The following TUBA8 variants were observed in gnomAD, a reference collection of about 807,000 sequenced individuals.
The protein encoded by TUBA8 is tubulin alpha 8.
TUBA8 carries 29 observed loss-of-function variants against 34.7 expected under a neutral mutation model. The ratio of observed to expected loss-of-function variants is 0.84; its 90% confidence interval spans 0.62 to 1.14. The LOEUF (loss-of-function observed/expected upper bound fraction) is 1.14. Among genes scored for constraint, TUBA8 ranks in the 50% most tolerant of loss-of-function variants. The probability of loss-of-function intolerance (pLI) is 0.00; values close to 1 mark genes in which losing one functional copy is unlikely to be tolerated. For synonymous variants in TUBA8, 226 were observed against 231.2 expected (o/e 0.98, Z 0.21); for missense variants, 541 against 599.2 (o/e 0.90, Z 1.01).
Position 18,116,852 on chromosome 22 carries a change from T to C in TUBA8, c.4-4627T>C, listed in dbSNP as rs1927991968. ...GCTGTGGGCTGCTCCTCCTCCCTGCTAGGAGCAGGTGCAAGAGGCCTGCAG... is the reference window on the plus strand; with the variant it reads ...GCTGTGGGCTGCTCCTCCTCCCTGCCAGGAGCAGGTGCAAGAGGCCTGCAG... On this transcript the variant is annotated intron_variant, in intron 1 of 4. Coordinates refer to ENST00000330423, the MANE Select transcript of TUBA8 (RefSeq NM_018943.3). 2.0e-5 allele frequency: 3 copies of C among 152,230 alleles called. No individual in the cohort carries two copies. The South Asian group carries it at 6.2e-4, about 32-fold the overall frequency. The allele number at this position is 152,230 out of a possible 1,614,324, so 9.4% of individuals were successfully genotyped here.
chr22:18,123,457 A>C, intron 2 of TUBA8: 1 of 152,788 alleles, frequency 6.5e-6, no homozygotes, highest in Middle Eastern at 3.2e-3. Flanking sequence ...TGGTTTCACC[A>C]TGTTAGCCAA....
Position 18,119,176 on chromosome 22 carries a change from G to A in TUBA8, c.4-2303G>A, listed in dbSNP as rs911316430. 6.6e-6 allele frequency: 1 copy of A among 152,262 alleles called. No individual in the cohort carries two copies. Among genetic ancestry groups the A allele is most frequent in the Non-Finnish European group, 1.5e-5 (1 of 68,124 alleles). 9.4% of individuals were successfully genotyped at this position (152,262 alleles called of 1,614,324 possible). A position where few individuals can be genotyped will look rare whatever the true frequency, so the allele number is the denominator to read the frequency against. The stretch of plus-strand genomic sequence containing the variant: ...CCCCTCAGCTTCCACACCTCCCTGG[G>A]AAGTCACAGCCACATGCTGAATGTG... On this transcript the variant is annotated intron_variant, in intron 1 of 4. Coordinates refer to ENST00000330423, the MANE Select transcript of TUBA8 (RefSeq NM_018943.3). This position sits in a 1 kb window ranked among gnomAD's most constrained non-coding sequence, Gnocchi z 5.9.
Position 18,121,638 on chromosome 22 carries a change from G to T in TUBA8, c.163G>T (p.Glu55Ter), listed in dbSNP as rs1569199279. 1 of 1,614,164 alleles carries T rather than the reference G, an allele frequency of 6.2e-7. No homozygotes were observed. The highest frequency in any genetic ancestry group is 2.2e-5 in the East Asian group (1 of 44,888). ...TGACTCCTTCACCACCTTTTTCAGC[G>T]AGACTGGCAATGGGAAGCATGTGCC... ...DDDSFTTFFSETGNGKHVPRA... is the reference protein window; with the variant it reads ...DDDSFTTFFS Residue 55 changes from glutamate to a stop codon, truncating the protein, a stop_gained, in exon 2 of 5, where the codon GAG becomes TAG. Transcript: ENST00000330423. LOFTEE classifies it high-confidence loss of function. This position sits in a 1 kb window ranked among gnomAD's most constrained non-coding sequence, Gnocchi z 4.8.
At chr22:18,125,372 G>A (rs1928280003) in intron 3 of TUBA8, 1 of 151,958 alleles carries the variant, frequency 6.6e-6, no homozygotes, top group African/African-American at 2.4e-5. Context: ...AAAATTAGCT[G>A]GGCATGGTAG....
At position 18,111,004 on chromosome 22, in the gene TUBA8, G is replaced by GCCAGTTGGATACAACT; in HGVS notation, c.3+136_3+137insCCAGTTGGATACAACT. The GCCAGTTGGATACAACT allele has an allele frequency of 7.4e-7, 1 of 1,356,346 alleles. No homozygotes were observed. The highest frequency in any genetic ancestry group is 1.0e-6 in the Non-Finnish European group (1 of 988,590). 84.0% of individuals were successfully genotyped at this position (1,356,346 alleles called of 1,614,324 possible). A position where few individuals can be genotyped will look rare whatever the true frequency, so the allele number is the denominator to read the frequency against. ...GGCCTTCTGGGGGTGGCAGTTCAGG[G>GCCAGTTGGATACAACT]TCGAGGAGTCCGCACCCTCGGGCGG... On this transcript the variant is annotated intron_variant, in intron 1 of 4. Transcript: ENST00000330423. This position sits in a 1 kb window ranked among gnomAD's most constrained non-coding sequence, Gnocchi z 5.1.
intron 1 of TUBA8, chr22:18,114,096 C>T (rs139335973): frequency 2.0e-5 from 3 of 152,392 alleles, no homozygotes; most frequent in African/African-American, 7.2e-5. Flanking sequence ...TCCCTCAAGC[C>T]GCAAGGGACG....
At position 18,124,254 on chromosome 22, in the gene TUBA8, A is replaced by T; in HGVS notation, c.325A>T (p.Thr109Ser). 1 of 1,614,146 alleles carries T rather than the reference A, an allele frequency of 6.2e-7. No homozygotes were observed. The highest frequency in any genetic ancestry group is 1.1e-5 in the South Asian group (1 of 91,074). ...AANNYARGHY[T>S]VGKESIDLVL... ...CAACAACTATGCCCGGGGCCACTACACGGTGGGCAAGGAGAGCATTGACCT... is the reference window on the plus strand; with the variant it reads ...CAACAACTATGCCCGGGGCCACTACTCGGTGGGCAAGGAGAGCATTGACCT... Residue 109 changes from threonine (T) to serine (S), a missense_variant, in exon 3 of 5, where the codon ACG (threonine) becomes TCG (serine). Coordinates refer to ENST00000330423, the MANE Select transcript of TUBA8 (RefSeq NM_018943.3). This position sits in a 1 kb window ranked among gnomAD's most constrained non-coding sequence, Gnocchi z 4.3.
chr22:18,124,255 C>A lies in TUBA8; in HGVS notation c.326C>A (p.Thr109Lys). 1 of 1,614,098 alleles carries A rather than the reference C, an allele frequency of 6.2e-7. No homozygotes were observed. Among genetic ancestry groups the A allele is most frequent in the Non-Finnish European group, 8.5e-7 (1 of 1,180,004 alleles). ...AACAACTATGCCCGGGGCCACTACA[C>A]GGTGGGCAAGGAGAGCATTGACCTG... ...AANNYARGHY[T>K]VGKESIDLVL... The change falls in exon 3 of 5, where the codon ACG (threonine) becomes AAG (lysine). Residue 109 changes from threonine to lysine, a missense_variant. By Grantham distance (78) the Thr-to-Lys change is moderately conservative. Transcript: ENST00000330423. This position sits in a 1 kb window ranked among gnomAD's most constrained non-coding sequence, Gnocchi z 4.3.
rs1015409445 is a variant in TUBA8, at chr22:18,121,327, G to A, written c.4-152G>A. On this transcript the variant is annotated intron_variant, in intron 1 of 4. Transcript: ENST00000330423. The surrounding 1 kb of genome is among the most constrained non-coding windows in gnomAD (Gnocchi z 4.8). ...TTTGGATCTAAGTCCTGGTCCAGCT[G>A]CTATAGAGCTGGGGCACCTGCAGCC... The A allele has an allele frequency of 1.0e-5, 7 of 679,206 alleles. No homozygotes were observed. The African/African-American group carries it at 1.1e-4, about 10-fold the overall frequency. 42.1% of individuals were successfully genotyped at this position (679,206 alleles called of 1,614,324 possible).
Position 18,126,228 on chromosome 22 carries a change from A to C in TUBA8, c.376-126A>C. 1.1e-6 allele frequency: 1 copy of C among 914,744 alleles called. No homozygotes were observed. Among genetic ancestry groups the C allele is most frequent in the Non-Finnish European group, 1.8e-6 (1 of 569,096 alleles). 56.7% of individuals were successfully genotyped at this position (914,744 alleles called of 1,614,324 possible). A position where few individuals can be genotyped will look rare whatever the true frequency, so the allele number is the denominator to read the frequency against. Reference sequence around the variant, plus strand: ...ACTCCTTTTGTTTCCTTACTTCTTCAAAGCTGTTTTGATTTCATCCACAAA... The same window carrying C: ...ACTCCTTTTGTTTCCTTACTTCTTCCAAGCTGTTTTGATTTCATCCACAAA... On this transcript the variant is annotated intron_variant, in intron 3 of 4. Coordinates refer to ENST00000330423, the MANE Select transcript of TUBA8 (RefSeq NM_018943.3). The surrounding 1 kb of genome is among the most constrained non-coding windows in gnomAD (Gnocchi z 4.0).
Position 18,118,869 on chromosome 22 carries a change from A to G in TUBA8, c.4-2610A>G, listed in dbSNP as rs1928056333. 1 of 152,180 alleles carries G rather than the reference A, an allele frequency of 6.6e-6. No individual in the cohort carries two copies. Among genetic ancestry groups the G allele is most frequent in the African/African-American group, 2.4e-5 (1 of 41,434 alleles). 9.4% of individuals were successfully genotyped at this position (152,180 alleles called of 1,614,324 possible). A position where few individuals can be genotyped will look rare whatever the true frequency, so the allele number is the denominator to read the frequency against. On this transcript the variant is annotated intron_variant, in intron 1 of 4. Coordinates refer to ENST00000330423, the MANE Select transcript of TUBA8 (RefSeq NM_018943.3). This position sits in a 1 kb window ranked among gnomAD's most constrained non-coding sequence, Gnocchi z 4.0. ...AAAAGAGGCTAAAGACGTTGTCACCATGCTAGTGGTTTTCAGGTCCCCCAA... is the reference window on the plus strand; with the variant it reads ...AAAAGAGGCTAAAGACGTTGTCACCGTGCTAGTGGTTTTCAGGTCCCCCAA...
At chr22:18,120,102 GTCTC>G (rs1928103817) in intron 1 of TUBA8, 5 of 151,934 alleles carry the variant, frequency 3.3e-5, no homozygotes, top group Admixed American at 3.3e-4. Flanking sequence ...CACACACACT[GTCTC>G]TCTCCCCACC....
rs1192128355 is a variant in TUBA8 at position 18,126,382 on chromosome 22, T to G, written c.404T>G (p.Phe135Cys). ...LTDACSGLQG[F>C]LIFHSFGGGT... ...GATGCTTGCTCTGGCCTGCAGGGCT[T>G]CCTGATTTTCCACAGTTTTGGTGGG... is the stretch of plus-strand genomic sequence containing the variant. The change falls in exon 4 of 5, where the codon TTC (phenylalanine) becomes TGC (cysteine). Residue 135 changes from phenylalanine to cysteine, a missense_variant. Physicochemically the swap from Phe to Cys is radical, Grantham distance 205. Transcript: ENST00000330423. This position sits in a 1 kb window ranked among gnomAD's most constrained non-coding sequence, Gnocchi z 4.0. 1 of 1,614,064 alleles carries G rather than the reference T, an allele frequency of 6.2e-7. No individual in the cohort carries two copies. Among genetic ancestry groups the G allele is most frequent in the Non-Finnish European group, 8.5e-7 (1 of 1,180,038 alleles).
In TUBA8 at chr22:18,124,398, C is replaced by T. The variant is rs917240489; in HGVS notation, c.375+94C>T. ...GATCAGGCTAGGGAGAGGCATCTGA[C>T]CCCTGGCTATAGGATGGAGCTCCTA... is the stretch of plus-strand genomic sequence containing the variant. On this transcript the variant is annotated intron_variant, in intron 3 of 4. Coordinates refer to ENST00000330423, the MANE Select transcript of TUBA8 (RefSeq NM_018943.3). This position sits in a 1 kb window ranked among gnomAD's most constrained non-coding sequence, Gnocchi z 4.3. 1 of 1,420,460 alleles carries T rather than the reference C, an allele frequency of 7.0e-7. No individual in the cohort carries two copies. Among genetic ancestry groups the T allele is most frequent in the Non-Finnish European group, 9.5e-7 (1 of 1,056,154 alleles). 88.0% of individuals were successfully genotyped at this position (1,420,460 alleles called of 1,614,324 possible). A position where few individuals can be genotyped will look rare whatever the true frequency, so the allele number is the denominator to read the frequency against.
intron 4 of TUBA8, chr22:18,130,610 A>C: frequency 1.9e-6 from 1 of 533,164 alleles, no homozygotes; most frequent in Non-Finnish European, 3.3e-6. Flanking sequence ...TTTTTTTGGT[A>C]GAGATGGGTT....
chr22:18,129,231 TG>T (rs973467697), intron 4 of TUBA8: 1 of 152,106 alleles, frequency 6.6e-6, no homozygotes, highest in Non-Finnish European at 1.5e-5. Context: ...GGAGAATGAA[TG>T]GGGAAAAAAG....
chr22:18,110,820 C>T lies in TUBA8; in HGVS notation c.-46C>T. The T allele has an allele frequency of 6.5e-7, 1 of 1,537,520 alleles. No individual in the cohort carries two copies. The highest frequency in any genetic ancestry group is 8.7e-7 in the Non-Finnish European group (1 of 1,147,480). On this transcript the variant is annotated 5_prime_UTR_variant, in exon 1 of 5. Coordinates refer to ENST00000330423, the MANE Select transcript of TUBA8 (RefSeq NM_018943.3). This position sits in a 1 kb window ranked among gnomAD's most constrained non-coding sequence, Gnocchi z 6.2. ...GCGGCTGTATCTGGAGCAGTCGGGG[C>T]GGGCAGGCCCAGCTGAGAGGTGCGC...
In TUBA8 at chr22:18,121,810, C is replaced by T; in HGVS notation, c.226+109C>T. Reference sequence around the variant, plus strand: ...CTCTAGCTGGAAGGTGGGGATGGTGCAACCGCAGCCTCCCACCCCACGTGA... The same window carrying T: ...CTCTAGCTGGAAGGTGGGGATGGTGTAACCGCAGCCTCCCACCCCACGTGA... On this transcript the variant is annotated intron_variant, in intron 2 of 4. Transcript: ENST00000330423. The surrounding 1 kb of genome is among the most constrained non-coding windows in gnomAD (Gnocchi z 4.8). The T allele has an allele frequency of 1.9e-6, 2 of 1,065,074 alleles. No individual in the cohort carries two copies. Among genetic ancestry groups the T allele is most frequent in the South Asian group, 2.9e-5 (2 of 69,902 alleles). 66.0% of individuals were successfully genotyped at this position (1,065,074 alleles called of 1,614,324 possible). A position where few individuals can be genotyped will look rare whatever the true frequency, so the allele number is the denominator to read the frequency against.
Position 18,121,427 on chromosome 22 carries a change from G to C in TUBA8, c.4-52G>C. On this transcript the variant is annotated intron_variant, in intron 1 of 4. Coordinates refer to ENST00000330423, the MANE Select transcript of TUBA8 (RefSeq NM_018943.3). The surrounding 1 kb of genome is among the most constrained non-coding windows in gnomAD (Gnocchi z 4.8). The stretch of plus-strand genomic sequence containing the variant: ...GAATGTTATGGGGATGTAGGGCAAA[G>C]GCATGCTGGGGGCCCAGACTCTCTG... 1 of 1,522,758 alleles carries C rather than the reference G, an allele frequency of 6.6e-7. No homozygotes were observed. The highest frequency in any genetic ancestry group is 9.1e-7 in the Non-Finnish European group (1 of 1,096,758). The allele number at this position is 1,522,758 out of a possible 1,614,324, so 94.3% of individuals were successfully genotyped here.
Sources: allele counts gnomAD v4.1 joint callset, GRCh38; gene constraint gnomAD v4.1.1; non-coding constraint Gnocchi (gnomAD v3.1); transcripts MANE v1.5; gene names NCBI Gene and HGNC (gene_info 2026-07-23, HGNC 2026-07-21).